NCKAP5: variants seen among roughly 807,000 people sequenced by gnomAD.
NCKAP5 encodes the protein nck-associated protein 5.
NCKAP5 carries 92 observed loss-of-function variants against 167.0 expected under a neutral mutation model. The ratio of observed to expected loss-of-function variants is 0.55; its 90% CI spans 0.47 to 0.66. The LOEUF (loss-of-function observed/expected upper bound fraction) is 0.66, where lower values mean the gene tolerates loss of function less well. Among genes scored for constraint, NCKAP5 ranks in the 30% least tolerant of loss-of-function variants. The pLI is 0.00. For synonymous variants in NCKAP5, 891 were observed against 877.4 expected (o/e 1.02, Z -0.27); for missense variants, 2,378 against 2,315.0 (o/e 1.03, Z -0.56).
intron 3 of NCKAP5, among the ~76,000 whole-genome samples, chr2:133,512,564 C>G (rs1400435106): frequency 1.3e-5 from 2 of 152,180 alleles, no homozygotes; most frequent in Admixed American, 6.5e-5. Flanking sequence ...CTCACGTGGC[C>G]TGCAGAGCCT....
intron 19 of NCKAP5, among the ~76,000 whole-genome samples, chr2:132,699,579 G>A (rs1219973718): frequency 1.3e-5 from 2 of 152,038 alleles, no homozygotes; most frequent in Non-Finnish European, 1.5e-5. Flanking sequence ...AACATGCAGT[G>A]TTTGGTTTTC....
At chr2:132,697,624 G>C (rs7601083) in intron 19 of NCKAP5, among the ~76,000 whole-genome samples, 151 of 148,888 alleles carry the variant, frequency 1.0e-3, no homozygotes, top group African/African-American at 3.6e-3. Flanking sequence ...TTTTTTCCAT[G>C]TCCTGAAGGA....
intron 11 of NCKAP5, among the ~76,000 whole-genome samples, chr2:132,850,215 ACT>A (rs2105476002): frequency 6.6e-6 from 1 of 152,262 alleles, no homozygotes; most frequent in Admixed American, 6.5e-5. Context: ...GTTGTCTATA[ACT>A]CTGATTATTT....
At chr2:133,231,941 T>A (rs1559296740) in intron 4 of NCKAP5, among the ~76,000 whole-genome samples, 1 of 152,210 alleles carries the variant, frequency 6.6e-6, no homozygotes. Flanking sequence ...GCTTTGTGTG[T>A]CTTCTAGCAA....
intron 3 of NCKAP5, among the ~76,000 whole-genome samples, chr2:133,328,246 TC>T (rs752893412): frequency 2.0e-5 from 3 of 152,132 alleles, no homozygotes; most frequent in Non-Finnish European, 2.9e-5. Context: ...CTGTTCTCAG[TC>T]CCCCAAATTC....
chr2:132,979,404 C>T (rs1239716794), intron 7 of NCKAP5, among the ~76,000 whole-genome samples: 1 of 151,688 alleles, frequency 6.6e-6, no homozygotes, highest in African/African-American at 2.4e-5. Context: ...GGTGTCTGAA[C>T]AGGGCCCACC....
At chr2:133,371,707 G>A (rs1162703044) in intron 3 of NCKAP5, among the ~76,000 whole-genome samples, 2 of 152,112 alleles carry the variant, frequency 1.3e-5, no homozygotes. Context: ...CTAGCTTGTG[G>A]TTTAACCTCT....
the NCKAP5 span, among the ~76,000 whole-genome samples, chr2:133,576,670 C>T: frequency 4.1e-4 from 63 of 152,176 alleles, no homozygotes; most frequent in Admixed American, 1.0e-3. Context: ...AAAGCATAGG[C>T]GCTGTTTGTC....
chr2:133,642,688 A>G, the NCKAP5 span, among the ~76,000 whole-genome samples: 1 of 152,216 alleles, frequency 6.6e-6, no homozygotes, highest in African/African-American at 2.4e-5. Flanking sequence ...GTCCCCTTGT[A>G]ATATTGACAG....
At chr2:133,386,385 T>C (rs1686968218) in intron 3 of NCKAP5, among the ~76,000 whole-genome samples, 1 of 152,270 alleles carries the variant, frequency 6.6e-6, no homozygotes, top group Middle Eastern at 3.2e-3. Flanking sequence ...TCCTGAGTTC[T>C]AGTTTGATTG....
chr2:133,174,853 C>A (rs1269954268), intron 5 of NCKAP5, among the ~76,000 whole-genome samples: 1 of 152,118 alleles, frequency 6.6e-6, no homozygotes. Flanking sequence ...TGCGTGTTTA[C>A]TTCTACACCA....
chr2:132,790,783 C>A (rs1180684219), intron 12 of NCKAP5, among the ~76,000 whole-genome samples: 1 of 152,158 alleles, frequency 6.6e-6, no homozygotes, highest in Non-Finnish European at 1.5e-5. Flanking sequence ...AGGGTTATTG[C>A]AAGCACTAAA....
At position 132,784,994 on chromosome 2, in the gene NCKAP5, A is replaced by T; in HGVS notation, c.1817T>A (p.Leu606Ter). 1 of 1,613,934 alleles carries T rather than the reference A, an allele frequency of 6.2e-7. No individual in the cohort carries two copies. The highest frequency in any genetic ancestry group is 8.5e-7 in the Non-Finnish European group (1 of 1,179,872). Residue 606 changes from leucine (L) to a stop codon, truncating the protein, a stop_gained, in exon 14 of 20, where the codon TTG (leucine) becomes TAG (stop). Transcript: ENST00000409261. LOFTEE classifies it high-confidence loss of function. ...SDEKSPSDVS[L>*]AADTDKSVEN... ...CACGGACTTATCGGTGTCGGCAGCC[A>T]ATGACACGTCTGAAGGACTTTTCTC... is the stretch of plus-strand genomic sequence containing the variant.
intron 11 of NCKAP5, among the ~76,000 whole-genome samples, chr2:132,848,009 A>G (rs1472538209): frequency 6.6e-6 from 1 of 152,212 alleles, no homozygotes; most frequent in Admixed American, 6.5e-5. Context: ...GTTCCTCTTA[A>G]CCAGGGTAAA....
intron 6 of NCKAP5, among the ~76,000 whole-genome samples, chr2:133,110,517 C>A (rs1036963209): frequency 6.6e-6 from 1 of 152,086 alleles, no homozygotes; most frequent in East Asian, 1.9e-4. Context: ...GGAAGTATTT[C>A]GGCATTTTAA....
At chr2:132,706,334 C>T (rs1410100968) in intron 19 of NCKAP5, among the ~76,000 whole-genome samples, 1 of 152,132 alleles carries the variant, frequency 6.6e-6, no homozygotes, top group Non-Finnish European at 1.5e-5. Flanking sequence ...CTCTGGGCCA[C>T]CATCTCAGTT....
chr2:133,660,476 G>T, the NCKAP5 span, among the ~76,000 whole-genome samples: 1 of 151,976 alleles, frequency 6.6e-6, no homozygotes, highest in African/African-American at 2.4e-5. Flanking sequence ...AACTATCTCG[G>T]GGTGATGGGA....
intron 6 of NCKAP5, among the ~76,000 whole-genome samples, chr2:133,078,345 T>A (rs2149582895): frequency 6.6e-6 from 1 of 152,272 alleles, no homozygotes. Flanking sequence ...GAAACCAGTG[T>A]CTCAGTGCAT....
chr2:133,091,315 T>C (rs906722256), intron 6 of NCKAP5, among the ~76,000 whole-genome samples: 2 of 152,194 alleles, frequency 1.3e-5, no homozygotes, highest in Non-Finnish European at 2.9e-5. Flanking sequence ...TGGAAACCTT[T>C]CCTGTCCCTC....
Sources: allele counts gnomAD v4.1 joint callset (sites outside exome capture counted in the v4.1 genomes callset), GRCh38; gene constraint gnomAD v4.1.1; transcripts MANE v1.5; gene names NCBI Gene and HGNC (gene_info 2026-07-23, HGNC 2026-07-21).